CR2: variants seen among roughly 807,000 people sequenced by gnomAD.
CR2 encodes the protein complement C3d receptor 2.
CR2 carries 96 observed loss-of-function variants against 123.0 expected under a neutral mutation model. The observed-to-expected ratio is 0.78, with a 90% CI of 0.66 to 0.93. The LOEUF is 0.93. CR2 is among the 40% of genes least tolerant of loss of function. The probability of loss-of-function intolerance (pLI) is 0.00; values close to 1 mark genes in which losing one functional copy is unlikely to be tolerated. For synonymous variants in CR2, 484 were observed against 469.5 expected, an observed-to-expected ratio of 1.03 and a Z score of -0.40; for missense variants, 1,258 against 1,361.0, an observed-to-expected ratio of 0.92 and a Z score of 1.19.
At chr1:207,479,146 T>G in intron 16 of CR2, 111 bp from the exon 17 acceptor site, 1 of 869,836 alleles carries the variant, frequency 1.1e-6, no homozygotes, top group Non-Finnish European at 2.0e-6. Flanking sequence ...TTAAATCGAC[T>G]TGGAAGGGAG....
rs1483931339 is a variant in CR2, at chr1:207,454,560, A to G, written c.58+84A>G. 4 of 1,100,230 alleles carry G rather than the reference A, an allele frequency of 3.6e-6. No homozygotes were observed. The highest frequency in any genetic ancestry group is 5.1e-6 in the Non-Finnish European group (4 of 783,564). The allele number at this position is 1,100,230 out of a possible 1,614,324, so 68.2% of individuals were successfully genotyped here. A position where few individuals can be genotyped will look rare whatever the true frequency, so the allele number is the denominator to read the frequency against. ...TGCCGCGATGCAAAGCAGGGGGCCA[A>G]AAGCGAGACGGTGGGGGCAGTGCTC... On this transcript the variant is annotated intron_variant, in intron 1 of 19. Transcript: ENST00000367057. This position sits in a 1 kb window ranked among gnomAD's most constrained non-coding sequence, Gnocchi z 4.3.
Position 207,469,954 on chromosome 1 carries a change from C to A in CR2, c.1077C>A (p.Gly359=), listed in dbSNP as rs1050533006. Residue 359 remains glycine (G), a synonymous_variant, in exon 6 of 20, where the codon GGC becomes GGA. Transcript: ENST00000367057. ...VQCPHPQILR[G]RMVSGQKDRY... is the part of the protein sequence containing the mutation. ...GTCCACATCCCCAGATCCTAAGAGGCCGAATGGTATCTGGGCAGAAAGATC... is the reference window on the plus strand; with the variant it reads ...GTCCACATCCCCAGATCCTAAGAGGACGAATGGTATCTGGGCAGAAAGATC... The A allele has an allele frequency of 1.2e-6, 2 of 1,613,932 alleles. No homozygotes were observed. Among genetic ancestry groups the A allele is most frequent in the South Asian group, 1.1e-5 (1 of 91,084 alleles).
intron 19 of CR2, among the ~76,000 whole-genome samples, chr1:207,486,954 T>C (rs1658766554): frequency 6.6e-6 from 1 of 152,162 alleles, no homozygotes; most frequent in Non-Finnish European, 1.5e-5. Flanking sequence ...TTTTGGGCAA[T>C]TGGTCCAGGC....
intron 1 of CR2, among the ~76,000 whole-genome samples, chr1:207,465,552 A>G (rs1348763117): frequency 1.3e-5 from 2 of 152,216 alleles, no homozygotes; most frequent in African/African-American, 4.8e-5. Flanking sequence ...TTCTATATGT[A>G]TAAAGACAAC....
At position 207,476,315 on chromosome 1, in the gene CR2, T is replaced by C; in HGVS notation, c.2798T>C (p.Met933Thr). The change falls in exon 15 of 20, where the codon ATG (methionine) becomes ACG (threonine). Residue 933 changes from methionine to threonine, a missense_variant. Transcript: ENST00000367057. ...AACATAGCTCGATTTTCTCCTGGAATGTCAATCCTGTACAGCTGTGACCAA... is the reference window on the plus strand; with the variant it reads ...AACATAGCTCGATTTTCTCCTGGAACGTCAATCCTGTACAGCTGTGACCAA... Reference protein sequence around the residue: ...GGNIARFSPGMSILYSCDQGY... With the variant: ...GGNIARFSPGTSILYSCDQGY... 1 of 1,614,034 alleles carries C rather than the reference T, an allele frequency of 6.2e-7. No homozygotes were observed. Among genetic ancestry groups the C allele is most frequent in the Non-Finnish European group, 8.5e-7 (1 of 1,179,936 alleles).
At chr1:207,481,924 A>G (rs1291562134) in intron 18 of CR2, among the ~76,000 whole-genome samples, 2 of 151,984 alleles carry the variant, frequency 1.3e-5, no homozygotes. Flanking sequence ...ACCAATTATT[A>G]TTATTGGTAG....
In CR2 at chr1:207,472,970, C is replaced by A. The variant is rs1306644230; in HGVS notation, c.1769C>A (p.Ala590Asp). ...DQERGTWSGP[A>D]PLCKLSLLAV... ...GAAAGAGGCACCTGGAGTGGCCCTG[C>A]TCCCCTGTGTAAACTTTCCCTCCTT... is the stretch of plus-strand genomic sequence containing the variant. Residue 590 changes from alanine to aspartate, a missense_variant, in exon 10 of 20, where the codon GCT becomes GAT. Physicochemically the swap from Ala to Asp is moderately radical, Grantham distance 126. Transcript: ENST00000367057. 6.2e-7 allele frequency: 1 copy of A among 1,613,874 alleles called. No homozygotes were observed. Among genetic ancestry groups the A allele is most frequent in the African/African-American group, 1.3e-5 (1 of 74,892 alleles).
chr1:207,471,796 A>T (rs1473370899), intron 9 of CR2: 1 of 378,524 alleles, frequency 2.6e-6, no homozygotes, highest in Non-Finnish European at 5.1e-6. Context: ...AGTTTAGTGG[A>T]GAGAGTAAGG....
intron 12 of CR2, 50 bp downstream of exon 12, chr1:207,473,935 G>A (rs1445240817): frequency 6.5e-7 from 1 of 1,544,944 alleles, no homozygotes; most frequent in African/African-American, 1.4e-5. Context: ...CTTGTTTTGT[G>A]GATTAACTTG....
intron 18 of CR2, among the ~76,000 whole-genome samples, chr1:207,480,274 A>T (rs769551926): frequency 2.0e-5 from 3 of 152,222 alleles, no homozygotes; most frequent in Non-Finnish European, 4.4e-5. Flanking sequence ...CAGATAGTAT[A>T]TTGTAAACAA....
At chr1:207,455,110 C>A (rs1182228541) in intron 1 of CR2, among the ~76,000 whole-genome samples, 1 of 152,206 alleles carries the variant, frequency 6.6e-6, no homozygotes, top group Non-Finnish European at 1.5e-5. Context: ...ATGGTGTGGA[C>A]GTCCGCAAAG....
chr1:207,467,519 A>G (rs1658135976), intron 2 of CR2, among the ~76,000 whole-genome samples: 1 of 152,212 alleles, frequency 6.6e-6, no homozygotes, highest in Admixed American at 6.5e-5. Context: ...ATAAATCTGA[A>G]TTTGAATTCC....
chr1:207,466,972 C>G (rs576183982), intron 2 of CR2, 60 bp downstream of exon 2: 6 of 1,512,132 alleles, frequency 4.0e-6, no homozygotes, highest in Non-Finnish European at 5.3e-6. Flanking sequence ...GTGCAGACCA[C>G]GTTTTGTACC....
Position 207,473,611 on chromosome 1 carries a change from C to T in CR2, c.2045C>T (p.Ser682Phe). 1 of 1,613,998 alleles carries T rather than the reference C, an allele frequency of 6.2e-7. No homozygotes were observed. The highest frequency in any genetic ancestry group is 1.3e-5 in the African/African-American group (1 of 75,038). Residue 682 changes from serine to phenylalanine, a missense_variant, in exon 11 of 20, where the codon TCT (serine) becomes TTT (phenylalanine). Physicochemically the swap from Ser to Phe is radical, Grantham distance 155. Transcript: ENST00000367057. ...GGTGGAAATACGGTCTTCTTTGTCT[C>T]TGGGATGACTGTAGACTACACTTGT... The part of the protein sequence containing the change: ...HTGGNTVFFV[S>F]GMTVDYTCDP...
chr1:207,480,048 A>G lies in CR2; in HGVS notation c.3183A>G (p.Arg1061=). Residue 1061 remains arginine (R), a synonymous_variant, in exon 18 of 20, where the codon AGA becomes AGG. Coordinates refer to ENST00000367057, the MANE Select transcript of CR2 (RefSeq NM_001006658.3). ...CCTTATACGTGATATCAAAACACAG[A>G]GCACGGTAAGTTCAAAGGCGAATAC... The part of the protein sequence containing the change: ...VITLYVISKH[R]ARNYYTDTSQ... 6.2e-7 allele frequency: 1 copy of G among 1,611,240 alleles called. No individual in the cohort carries two copies. The highest frequency in any genetic ancestry group is 8.5e-7 in the Non-Finnish European group (1 of 1,177,492).
rs2063143 is a variant in CR2, at chr1:207,468,495, C to T, written c.446-32C>T. On this transcript the variant is annotated intron_variant, in intron 2 of 19. Coordinates refer to ENST00000367057, the MANE Select transcript of CR2 (RefSeq NM_001006658.3). ...AGATTGTGAAGGATGCATCATCTGACGGCTTTTTTTTCCTGGTATGTGTGT... is the reference window on the plus strand; with the variant it reads ...AGATTGTGAAGGATGCATCATCTGATGGCTTTTTTTTCCTGGTATGTGTGT... 0.19 allele frequency: 311,281 copies of T among 1,609,610 alleles called. 31,519 individuals are homozygous for T. Among genetic ancestry groups the T allele is most frequent in the Middle Eastern group, 0.25 (1,519 of 6,030 alleles).
chr1:207,457,828 C>G (rs1657870885), intron 1 of CR2, among the ~76,000 whole-genome samples: 1 of 152,076 alleles, frequency 6.6e-6, no homozygotes, highest in Admixed American at 6.6e-5. Context: ...GGGCTCAGCC[C>G]TGAGCCTCTT....
Position 207,474,851 on chromosome 1 carries a change from T to A in CR2, c.2351T>A (p.Ile784Asn). ...ATTCACTGTCACCCTCCACCAGTGA[T>A]TGTCAATGGGAAGCACACAGGCATG... ...KVIHCHPPPVIVNGKHTGMMA... is the reference protein window; with the variant it reads ...KVIHCHPPPVNVNGKHTGMMA... Residue 784 changes from isoleucine (I) to asparagine (N), a missense_variant, in exon 14 of 20, where the codon ATT becomes AAT. By Grantham distance (149) the Ile-to-Asn change is moderately radical. Transcript: ENST00000367057. 1 of 1,614,040 alleles carries A rather than the reference T, an allele frequency of 6.2e-7. No homozygotes were observed. Among genetic ancestry groups the A allele is most frequent in the Non-Finnish European group, 8.5e-7 (1 of 1,179,930 alleles).
rs1249153834 is a variant in CR2 at position 207,469,812 on chromosome 1, G to A, written c.935G>A (p.Gly312Glu). ...TYTCDPDPEE[G>E]VNFILIGEST... ...ACTTGTGACCCGGACCCAGAGGAAGGAGTGAACTTCATCCTTATTGGAGAG... is the reference window on the plus strand; with the variant it reads ...ACTTGTGACCCGGACCCAGAGGAAGAAGTGAACTTCATCCTTATTGGAGAG... Residue 312 changes from glycine (G) to glutamate (E), a missense_variant, in exon 6 of 20, where the codon GGA (glycine) becomes GAA (glutamate). By Grantham distance (98) the Gly-to-Glu change is moderately conservative. Transcript: ENST00000367057. The A allele has an allele frequency of 1.2e-6, 2 of 1,613,974 alleles. No individual in the cohort carries two copies. Among genetic ancestry groups the A allele is most frequent in the Non-Finnish European group, 8.5e-7 (1 of 1,179,954 alleles).
Sources: gnomAD v4.1 joint callset for allele counts (sites outside exome capture counted in the v4.1 genomes callset) on GRCh38, gnomAD v4.1.1 for gene constraint, Gnocchi (gnomAD v3.1) non-coding constraint, MANE v1.5 for transcripts, NCBI Gene and HGNC (gene_info 2026-07-23, HGNC 2026-07-21) for gene names.